Variants in TENM2 observed in about 807,000 individuals in gnomAD.
TENM2 encodes teneurin transmembrane protein 2.
Under a neutral mutation model 245.2 loss-of-function variants are expected in TENM2, and 52 were observed. That is an observed-to-expected ratio of 0.21 (90% CI 0.17 to 0.27). TENM2 has a LOEUF of 0.27. Ranked by LOEUF, TENM2 falls within the 10% of genes least tolerant of loss-of-function variation. TENM2 has a pLI of 1.00. For missense variants in TENM2, 3,046 were observed against 3,666.8 expected (o/e 0.83, Z 4.37); for synonymous variants, 1,363 against 1,438.9 (o/e 0.95, Z 1.19).
intron 2 of TENM2, among the ~76,000 whole-genome samples, chr5:167,465,084 T>C (rs1311558262): frequency 6.6e-6 from 1 of 152,236 alleles, no homozygotes; most frequent in African/African-American, 2.4e-5. Flanking sequence ...ATTCACACAT[T>C]ACTAGAGGTG....
chr5:167,393,719 A>G (rs1399166112), intron 2 of TENM2, among the ~76,000 whole-genome samples: 1 of 152,158 alleles, frequency 6.6e-6, no homozygotes, highest in Non-Finnish European at 1.5e-5. Flanking sequence ...TCCCATGTAA[A>G]AGGATAGCTC....
the TENM2 span, among the ~76,000 whole-genome samples, chr5:167,024,615 T>C: frequency 2.0e-5 from 3 of 152,054 alleles, no homozygotes; most frequent in African/African-American, 7.2e-5. Context: ...GGGATCTGCA[T>C]TAAGAGCTTT....
chr5:168,031,441 G>C (rs1170208763), intron 5 of TENM2, among the ~76,000 whole-genome samples: 1 of 152,310 alleles, frequency 6.6e-6, no homozygotes, highest in Non-Finnish European at 1.5e-5. Flanking sequence ...CTTCTGGACA[G>C]TTCACACAAT....
At chr5:167,492,547 A>G (rs1768500018) in intron 2 of TENM2, among the ~76,000 whole-genome samples, 1 of 152,128 alleles carries the variant, frequency 6.6e-6, no homozygotes, top group East Asian at 1.9e-4. Flanking sequence ...AGGCTTCTGT[A>G]GTTTTATAGA....
chr5:167,722,993 T>C (rs1477818988), intron 2 of TENM2, among the ~76,000 whole-genome samples: 1 of 152,168 alleles, frequency 6.6e-6, no homozygotes, highest in Non-Finnish European at 1.5e-5. Context: ...AATGATAGTG[T>C]TAGATTTCTA....
intron 2 of TENM2, among the ~76,000 whole-genome samples, chr5:167,414,546 G>A (rs1763068679): frequency 1.3e-5 from 2 of 152,056 alleles, no homozygotes; most frequent in South Asian, 4.1e-4. Flanking sequence ...CGTGATTTAT[G>A]GAGGTAGTAG....
At chr5:167,449,683 T>C (rs11134459) in intron 2 of TENM2, among the ~76,000 whole-genome samples, 39,933 of 151,126 alleles carry the variant, frequency 0.26, 5,339 homozygotes, top group East Asian at 0.33. Context: ...TGGGGCCAGG[T>C]GCAGTGGCTC....
At chr5:167,395,219 G>A (rs1761984809) in intron 2 of TENM2, among the ~76,000 whole-genome samples, 1 of 152,104 alleles carries the variant, frequency 6.6e-6, no homozygotes, top group South Asian at 2.1e-4. Flanking sequence ...TGCCTTGAGT[G>A]AGTTTATTCC....
chr5:167,197,202 A>G, the TENM2 span, among the ~76,000 whole-genome samples: 3 of 152,108 alleles, frequency 2.0e-5, no homozygotes, highest in Admixed American at 2.0e-4. Context: ...GTAACCTAAC[A>G]GGGACACACA....
intron 2 of TENM2, among the ~76,000 whole-genome samples, chr5:167,598,161 G>A (rs1561586880): frequency 6.6e-6 from 1 of 152,204 alleles, no homozygotes; most frequent in Non-Finnish European, 1.5e-5. Flanking sequence ...TACGTACCAG[G>A]AGAGCAGATT....
intron 25 of TENM2, among the ~76,000 whole-genome samples, chr5:168,236,490 C>G (rs563967868): frequency 6.6e-6 from 1 of 152,314 alleles, no homozygotes; most frequent in Non-Finnish European, 1.5e-5. Context: ...CCACCCTCAC[C>G]TGTCCAAGCC....
rs200574779 is a variant in TENM2, at chr5:168,253,424, A to ATTT, written c.7432+5055_7432+5057dup. 1.9e-3 allele frequency among the ~76,000 whole-genome samples: 263 copies of ATTT among 139,858 alleles called. 14 individuals carry two copies. The highest frequency in any genetic ancestry group is 5.4e-3 in the African/African-American group (202 of 37,212). 91.8% of individuals were successfully genotyped at this position (139,858 alleles called of 152,430 possible). ...AAAAAAGCTAATAAATGCATTCATT[A>ATTT]TTTTATTTTTTTTTTTTTTGAGACA... On this transcript the variant is annotated intron_variant, in intron 27 of 28. Transcript: ENST00000518659.
intron 2 of TENM2, among the ~76,000 whole-genome samples, chr5:167,481,506 G>T (rs1233063593): frequency 6.6e-6 from 1 of 152,096 alleles, no homozygotes; most frequent in Non-Finnish European, 1.5e-5. Context: ...TACTACAAAG[G>T]CACGGTTCTG....
intron 5 of TENM2, among the ~76,000 whole-genome samples, chr5:168,010,963 A>T (rs534956748): frequency 5.1e-4 from 78 of 152,362 alleles, no homozygotes; most frequent in African/African-American, 1.6e-3. Flanking sequence ...TTTGTGTGAA[A>T]AGGATGGATG....
chr5:168,102,352 C>G (rs906619319), intron 9 of TENM2, among the ~76,000 whole-genome samples: 2 of 152,162 alleles, frequency 1.3e-5, no homozygotes, highest in South Asian at 4.2e-4. Flanking sequence ...GGATTACAGG[C>G]GTGAGCCACC....
intron 2 of TENM2, among the ~76,000 whole-genome samples, chr5:167,770,872 T>C (rs1763357220): frequency 6.6e-6 from 1 of 152,154 alleles, no homozygotes; most frequent in Admixed American, 6.5e-5. Flanking sequence ...TTGAGGGCTG[T>C]TGGTCCCACT....
At chr5:167,165,948 C>T in the TENM2 span, among the ~76,000 whole-genome samples, 1 of 152,156 alleles carries the variant, frequency 6.6e-6, no homozygotes, top group East Asian at 1.9e-4. Context: ...TTCTAGATTG[C>T]TTCTGTCATT....
chr5:167,525,014 T>C (rs1319651525), intron 2 of TENM2, among the ~76,000 whole-genome samples: 1 of 152,050 alleles, frequency 6.6e-6, no homozygotes, highest in Non-Finnish European at 1.5e-5. Flanking sequence ...CCCAACCTGG[T>C]GCTGTTAACA....
the TENM2 span, among the ~76,000 whole-genome samples, chr5:167,014,728 G>C: frequency 6.6e-6 from 1 of 152,204 alleles, no homozygotes; most frequent in Non-Finnish European, 1.5e-5. Context: ...TCATTACACG[G>C]AGTATCCTCA....
Sources: allele counts gnomAD v4.1 joint callset (sites outside exome capture counted in the v4.1 genomes callset), GRCh38; gene constraint gnomAD v4.1.1; transcripts MANE v1.5; gene names NCBI Gene and HGNC (gene_info 2026-07-23, HGNC 2026-07-21).